EXO1: variants seen among roughly 807,000 people sequenced by gnomAD.
The protein encoded by EXO1 is exonuclease 1.
In EXO1, 69 loss-of-function variants were observed where a neutral mutation model predicts 84.5. The ratio of observed to expected loss-of-function variants is 0.82; its 90% CI spans 0.67 to 1.00. EXO1 has a LOEUF of 1.00. EXO1 is among the 50% of genes least tolerant of loss of function. EXO1 has a pLI of 0.00. For synonymous variants in EXO1, 373 were observed against 366.1 expected (o/e 1.02, Z -0.21); for missense variants, 1,045 against 1,000.7 (o/e 1.04, Z -0.60).
chr1:241,885,910 A>G (rs1663046423), intron 15 of EXO1, among the ~76,000 whole-genome samples: 2 of 150,600 alleles, frequency 1.3e-5, no homozygotes, highest in Middle Eastern at 3.4e-3. Context: ...CTGGAATGCA[A>G]TGGTGCGATC....
intron 12 of EXO1, among the ~76,000 whole-genome samples, chr1:241,877,986 T>C (rs960580945): frequency 2.0e-5 from 3 of 152,198 alleles, no homozygotes; most frequent in Non-Finnish European, 4.4e-5. Context: ...ATTGTCCTTT[T>C]GGTTGCATAT....
intron 3 of EXO1, 130 bp from the exon 4 acceptor site, chr1:241,850,279 C>CAAAA (rs375640251): frequency 2.3e-5 from 12 of 518,762 alleles, no homozygotes; most frequent in South Asian, 6.3e-5. Context: ...GACTCCGTCT[C>CAAAA]AAAAAAAAAA....
rs1220861453 is a variant in EXO1, at chr1:241,850,522, T to C, written c.97T>C (p.Cys33Arg). The C allele has an allele frequency of 2.5e-6, 4 of 1,613,910 alleles. No individual in the cohort carries two copies. The highest frequency in any genetic ancestry group is 2.5e-6 in the Non-Finnish European group (3 of 1,179,920). ...KGQVVAVDTY[C>R]WLHKGAIACA... The stretch of plus-strand genomic sequence containing the variant: ...GCAGGTAGTAGCTGTGGATACATAT[T>C]GCTGGCTTCACAAAGGAGCTATTGC... The change falls in exon 4 of 16, where the codon TGC (cysteine) becomes CGC (arginine). Residue 33 changes from cysteine to arginine, a missense_variant. Transcript: ENST00000366548.
At chr1:241,884,016 C>G (rs1219169178) in intron 14 of EXO1, among the ~76,000 whole-genome samples, 4 of 152,100 alleles carry the variant, frequency 2.6e-5, no homozygotes, top group African/African-American at 9.7e-5. Flanking sequence ...TCTTTAATAC[C>G]TAAAATCAAA....
chr1:241,866,985 G>T lies in EXO1; in HGVS notation c.1197G>T (p.Val399=). The change falls in exon 11 of 16, where the codon GTG becomes GTT. Residue 399 remains valine (V), a synonymous_variant. Transcript: ENST00000366548. ...QLKENPSTVG[V]ERVISTKGLN... is the part of the protein sequence containing the mutation. The stretch of plus-strand genomic sequence containing the variant: ...AGGAAAATCCAAGTACTGTGGGAGT[G>T]GAACGAGTGATTAGTACTAAAGGGT... 1.9e-6 allele frequency: 3 copies of T among 1,614,028 alleles called. No individual in the cohort carries two copies. The highest frequency in any genetic ancestry group is 2.5e-6 in the Non-Finnish European group (3 of 1,179,954).
At chr1:241,853,550 A>C in intron 6 of EXO1, 69 bp downstream of exon 6, 4 of 1,569,418 alleles carry the variant, frequency 2.5e-6, no homozygotes, top group Non-Finnish European at 3.5e-6. Flanking sequence ...TGGGAGAGGA[A>C]GAAAATCAAG....
At position 241,872,032 on chromosome 1, in the gene EXO1, C is replaced by A. The variant is rs146098746; in HGVS notation, c.1268C>A (p.Ala423Glu). Residue 423 changes from alanine to glutamate, a missense_variant and splice_region_variant, in exon 12 of 16, where the codon GCA becomes GAA. Ala to Glu is a moderately radical substitution (Grantham distance 107). Transcript: ENST00000366548. ...KSSIVKRPRS[A>E]ELSEDDLLSQ... ...TACAGATAATTTTGTTTTTATTTAGCAGAGCTGTCAGAAGATGACCTGTTG... is the reference window on the plus strand; with the variant it reads ...TACAGATAATTTTGTTTTTATTTAGAAGAGCTGTCAGAAGATGACCTGTTG... 3.6e-4 allele frequency: 581 copies of A among 1,611,456 alleles called. No individual in the cohort carries two copies. In the African/African-American group the frequency reaches 7.2e-3, roughly 20 times the overall value.
At chr1:241,850,376 T>C (rs746627450) in intron 3 of EXO1, 33 bp from the exon 4 acceptor site, 1 of 1,380,126 alleles carries the variant, frequency 7.2e-7, no homozygotes, top group Non-Finnish European at 1.0e-6. Flanking sequence ...TTTCTTTAAA[T>C]ATTACTGTTC....
intron 6 of EXO1, among the ~76,000 whole-genome samples, chr1:241,856,679 C>T (rs188560381): frequency 2.0e-4 from 30 of 152,184 alleles, no homozygotes; most frequent in Non-Finnish European, 7.4e-5. Flanking sequence ...TTCAAAACTC[C>T]AAACAAATGT....
At chr1:241,866,303 AG>A (rs1661721405) in intron 10 of EXO1, among the ~76,000 whole-genome samples, 1 of 152,038 alleles carries the variant, frequency 6.6e-6, no homozygotes, top group Admixed American at 6.6e-5. Context: ...TAGTAGTGGC[AG>A]GGTTTCACCA....
chr1:241,857,391 C>A lies in EXO1; in HGVS notation c.452C>A (p.Ala151Asp), dbSNP rs1558125345. ...GATTGCCTCGTGGCTCCCTATGAAG[C>A]TGATGCGCAGTTGGCCTATCTTAAC... ...GVDCLVAPYEADAQLAYLNKA... is the reference protein window; with the variant it reads ...GVDCLVAPYEDDAQLAYLNKA... Residue 151 changes from alanine to aspartate, a missense_variant, in exon 7 of 16, where the codon GCT becomes GAT. By Grantham distance (126) the Ala-to-Asp change is moderately radical (BLOSUM62 -2). Coordinates refer to ENST00000366548, the MANE Select transcript of EXO1 (RefSeq NM_130398.4). 1 of 1,613,960 alleles carries A rather than the reference C, an allele frequency of 6.2e-7. No individual in the cohort carries two copies. Among genetic ancestry groups the A allele is most frequent in the South Asian group, 1.1e-5 (1 of 91,082 alleles).
chr1:241,863,121 T>C (rs941938863), intron 10 of EXO1, among the ~76,000 whole-genome samples: 4 of 152,178 alleles, frequency 2.6e-5, no homozygotes, highest in Admixed American at 1.3e-4. Context: ...CTAATAATAA[T>C]GGCAAACATT....
chr1:241,861,612 G>A (rs1009235743), intron 10 of EXO1, 110 bp downstream of exon 10: 7 of 737,438 alleles, frequency 9.5e-6, no homozygotes, highest in South Asian at 7.1e-5. Context: ...CTATATCCAG[G>A]CTCTGTGCAG....
intron 8 of EXO1, 80 bp downstream of exon 8, chr1:241,858,798 A>T (rs1661210214): frequency 1.0e-6 from 1 of 955,170 alleles, no homozygotes. Flanking sequence ...TATGGATTTA[A>T]ATATTCTGTT....
intron 15 of EXO1, among the ~76,000 whole-genome samples, chr1:241,885,872 T>TTTTA (rs1663043464): frequency 7.5e-6 from 1 of 132,774 alleles, no homozygotes; most frequent in African/African-American, 2.8e-5. Flanking sequence ...TTTGTTTTTT[T>TTTTA]GAGAGAGTTT....
intron 3 of EXO1, among the ~76,000 whole-genome samples, chr1:241,849,828 G>A (rs1371456709): frequency 6.6e-6 from 1 of 152,196 alleles, no homozygotes; most frequent in African/African-American, 2.4e-5. Context: ...TGTCAGGAGT[G>A]AAAGTGCAAA....
Position 241,858,563 on chromosome 1 carries a change from G to A in EXO1, c.601G>A (p.Gly201Arg). The A allele has an allele frequency of 6.2e-7, 1 of 1,614,166 alleles. No individual in the cohort carries two copies. Among genetic ancestry groups the A allele is most frequent in the Non-Finnish European group, 8.5e-7 (1 of 1,179,996 alleles). Residue 201 changes from glycine to arginine, a missense_variant, in exon 8 of 16, where the codon GGA becomes AGA. Gly to Arg is a moderately radical substitution (Grantham distance 125). Transcript: ENST00000366548. ...ACTTGAAATTGATCAAGCTCGGCTA[G>A]GAATGTGCAGACAGCTTGGGGATGT... ...NGLEIDQARL[G>R]MCRQLGDVFT...
intron 14 of EXO1, 58 bp from the exon 15 acceptor site, chr1:241,885,256 T>C: frequency 9.1e-7 from 1 of 1,099,204 alleles, no homozygotes; most frequent in South Asian, 1.4e-5. Context: ...AAGAATAGCT[T>C]GAAATTAAAG....
chr1:241,872,489 T>C (rs2148483207), intron 12 of EXO1, among the ~76,000 whole-genome samples: 1 of 152,258 alleles, frequency 6.6e-6, no homozygotes, highest in South Asian at 2.1e-4. Flanking sequence ...TTTCTCCTAA[T>C]GTTATCCCTC....
Sources: gnomAD v4.1 joint callset for allele counts (sites outside exome capture counted in the v4.1 genomes callset) on GRCh38, gnomAD v4.1.1 for gene constraint, MANE v1.5 for transcripts, NCBI Gene and HGNC (gene_info 2026-07-23, HGNC 2026-07-21) for gene names.